UGT1A8: variants seen among roughly 807,000 people sequenced by gnomAD.
UGT1A8 encodes UDP glucuronosyltransferase family 1 member A8.
A neutral mutation model predicts 45.3 loss-of-function variants in UGT1A8; 39 were observed. The observed-to-expected ratio is 0.86, with a 90% confidence interval of 0.67 to 1.12. The LOEUF (loss-of-function observed/expected upper bound fraction) is 1.12, where lower values mean the gene tolerates loss of function less well. UGT1A8 is among the 50% of genes most tolerant of loss of function. UGT1A8 has a pLI of 0.00. For synonymous variants in UGT1A8, 275 were observed against 249.2 expected (o/e 1.10, Z -0.97); for missense variants, 719 against 664.9 (o/e 1.08, Z -0.90).
At chr2:233,631,836 A>G (rs1292826063) in intron 1 of UGT1A8, among the ~76,000 whole-genome samples, 1 of 152,044 alleles carries the variant, frequency 6.6e-6, no homozygotes, top group Non-Finnish European at 1.5e-5. Flanking sequence ...TGTTTAGTTT[A>G]ATTAGATCCC....
At chr2:233,668,846 G>A (rs1014644157) in intron 1 of UGT1A8, among the ~76,000 whole-genome samples, 3 of 152,144 alleles carry the variant, frequency 2.0e-5, no homozygotes, top group African/African-American at 4.8e-5. Context: ...CCAGGATACC[G>A]CATGACATTT....
chr2:233,705,916 C>A (rs1399675251), intron 1 of UGT1A8, among the ~76,000 whole-genome samples: 4 of 152,120 alleles, frequency 2.6e-5, no homozygotes, highest in Admixed American at 6.5e-5. Flanking sequence ...AGTGAAACTC[C>A]TTCTCTACTA....
chr2:233,680,556 A>C (rs1014960787), intron 1 of UGT1A8, among the ~76,000 whole-genome samples: 8 of 152,154 alleles, frequency 5.3e-5, no homozygotes, highest in African/African-American at 1.9e-4. Flanking sequence ...AATGCTCCTC[A>C]GTGTGTTGCC....
intron 1 of UGT1A8, among the ~76,000 whole-genome samples, chr2:233,633,138 C>T (rs765565871): frequency 3.9e-5 from 6 of 152,142 alleles, no homozygotes; most frequent in Admixed American, 2.0e-4. Flanking sequence ...GTTGGACCAG[C>T]CTTGCATCCC....
intron 1 of UGT1A8, among the ~76,000 whole-genome samples, chr2:233,624,929 A>G (rs1011216236): frequency 6.6e-6 from 1 of 151,998 alleles, no homozygotes; most frequent in Non-Finnish European, 1.5e-5. Flanking sequence ...CCAATTTTTA[A>G]TTGTTCATTG....
chr2:233,713,288 G>T (rs767329942), intron 1 of UGT1A8: 6 of 1,614,202 alleles, frequency 3.7e-6, no homozygotes, highest in Non-Finnish European at 5.1e-6. Context: ...ACACTCAATC[G>T]TTCTTTGAAA....
chr2:233,757,296 G>T (rs1428870685), intron 1 of UGT1A8, among the ~76,000 whole-genome samples: 51 of 129,586 alleles, frequency 3.9e-4, no homozygotes, highest in African/African-American at 1.4e-3. Flanking sequence ...ACAGCTGGGG[G>T]TTGGGGGACA....
chr2:233,672,436 T>C, intron 1 of UGT1A8: 1 of 1,614,006 alleles, frequency 6.2e-7, no homozygotes, highest in Non-Finnish European at 8.5e-7. Context: ...CTCCGTGGTC[T>C]TCGCCAGGGG....
intron 1 of UGT1A8, chr2:233,739,067 G>A (rs1690974167): frequency 6.6e-6 from 1 of 152,282 alleles, no homozygotes. Context: ...TTCAGAGGGT[G>A]CAAACCTCAA....
intron 1 of UGT1A8, among the ~76,000 whole-genome samples, chr2:233,624,080 T>A (rs1339353261): frequency 6.6e-6 from 1 of 152,178 alleles, no homozygotes; most frequent in Non-Finnish European, 1.5e-5. Context: ...TCCCCCATTG[T>A]TAAATGTTAT....
At chr2:233,751,081 C>A (rs1306990263) in intron 1 of UGT1A8, among the ~76,000 whole-genome samples, 1 of 151,926 alleles carries the variant, frequency 6.6e-6, no homozygotes, top group African/African-American at 2.4e-5. Context: ...CCTCTGAAGG[C>A]AGCCAGGAGG....
At chr2:233,733,214 A>T (rs920142608) in intron 1 of UGT1A8, among the ~76,000 whole-genome samples, 1 of 152,180 alleles carries the variant, frequency 6.6e-6, no homozygotes, top group African/African-American at 2.4e-5. Flanking sequence ...TTGGGCTGAG[A>T]CAATGGGGTT....
intron 1 of UGT1A8, among the ~76,000 whole-genome samples, chr2:233,712,244 G>T (rs184398589): frequency 2.0e-5 from 3 of 152,178 alleles, no homozygotes; most frequent in African/African-American, 7.2e-5. Context: ...TCTTTGCTAG[G>T]GTTGTCTTGC....
At position 233,650,034 on chromosome 2, in the gene UGT1A8, G is replaced by C. The variant is rs1292886640; in HGVS notation, c.855+31472G>C. 1.7e-4 allele frequency among the ~76,000 whole-genome samples: 26 copies of C among 152,194 alleles called. No individual in the cohort carries two copies. The South Asian group carries it at 3.1e-3, about 18-fold the overall frequency. ...TGTCGAGGCTGGGGTGCAATGGTGC[G>C]ATCTTGGCTCACCACAACCTCTGCC... On this transcript the variant is annotated intron_variant, in intron 1 of 4. Transcript: ENST00000373450.
intron 1 of UGT1A8, chr2:233,713,817 A>C: frequency 1.2e-6 from 2 of 1,614,092 alleles, no homozygotes; most frequent in East Asian, 2.2e-5. Flanking sequence ...CATGGTCTTC[A>C]TTGGGGGCAT....
chr2:233,757,129 T>C (rs1190338249), intron 1 of UGT1A8, among the ~76,000 whole-genome samples: 1 of 150,874 alleles, frequency 6.6e-6, no homozygotes, highest in Non-Finnish European at 1.5e-5. Context: ...AGAGGAGGAA[T>C]GAGCTTGGAC....
chr2:233,693,483 CTGAG>C lies in UGT1A8; in HGVS notation c.856-73549_856-73546del, dbSNP rs757700333. The C allele has an allele frequency of 1.9e-6, 3 of 1,614,050 alleles. No individual in the cohort carries two copies. In the African/African-American group the frequency reaches 4.0e-5, roughly 22 times the overall value. ...GCCTTACCCTGTGGGGTGATCCTGGCTGAGTATTTGGGCCTACCATCTGTGTACC... is the reference window on the plus strand; with the variant it reads ...GCCTTACCCTGTGGGGTGATCCTGGCTATTTGGGCCTACCATCTGTGTACC... On this transcript the variant is annotated intron_variant, in intron 1 of 4. Transcript: ENST00000373450.
intron 1 of UGT1A8, among the ~76,000 whole-genome samples, chr2:233,647,100 C>G (rs186577515): frequency 2.4e-4 from 37 of 152,280 alleles, no homozygotes; most frequent in African/African-American, 7.7e-4. Flanking sequence ...AGGAAAACTT[C>G]CATTTTTAAA....
At chr2:233,639,740 C>T (rs2073398379) in intron 1 of UGT1A8, among the ~76,000 whole-genome samples, 1 of 152,174 alleles carries the variant, frequency 6.6e-6, no homozygotes. Flanking sequence ...AATACTTTAA[C>T]AATGATGGCA....
Sources: gnomAD v4.1 joint callset for allele counts (sites outside exome capture counted in the v4.1 genomes callset) on GRCh38, gnomAD v4.1.1 for gene constraint, MANE v1.5 for transcripts, NCBI Gene and HGNC (gene_info 2026-07-23, HGNC 2026-07-21) for gene names.